The following RBBP7 variants were observed in gnomAD, a reference collection of about 807,000 sequenced individuals.
RBBP7 encodes histone-binding protein RBBP7.
In RBBP7, 5 loss-of-function variants were observed where a neutral mutation model predicts 35.2. The observed-to-expected ratio is 0.14, with a 90% CI of 0.07 to 0.30. RBBP7 has a LOEUF of 0.30. Among genes scored for constraint, RBBP7 ranks in the 10% least tolerant of loss-of-function variants. The probability of loss-of-function intolerance (pLI) is 1.00; values close to 1 mark genes in which losing one functional copy is unlikely to be tolerated. For synonymous variants in RBBP7, 140 were observed against 118.7 expected, an observed-to-expected ratio of 1.18 and a Z score of -1.17; for missense variants, 155 against 327.5, an observed-to-expected ratio of 0.47 and a Z score of 4.07.
chrX:16,868,791 G>A (rs2147532069), intron 2 of RBBP7, among the ~76,000 whole-genome samples: 1 of 111,845 alleles, frequency 8.9e-6, no homozygotes, highest in African/African-American at 3.3e-5. Context: ...ATTAGTTTGG[G>A]CCCAGAAAGA....
At chrX:16,860,952 T>A (rs926738323) in intron 3 of RBBP7, among the ~76,000 whole-genome samples, 17 of 111,498 alleles carry the variant, frequency 1.5e-4, no homozygotes, top group Non-Finnish European at 2.5e-4. Flanking sequence ...GGCAGGCGAA[T>A]CACTTGAGGC....
intron 2 of RBBP7, among the ~76,000 whole-genome samples, chrX:16,866,053 T>G (rs1343896595): frequency 8.9e-6 from 1 of 111,958 alleles, no homozygotes; most frequent in Non-Finnish European, 1.9e-5. Context: ...GGAAAGGAAG[T>G]AGGACAGTAA....
intron 2 of RBBP7, among the ~76,000 whole-genome samples, chrX:16,867,556 A>G (rs1264162999): frequency 8.9e-6 from 1 of 111,894 alleles, no homozygotes; most frequent in African/African-American, 3.2e-5. Context: ...CTGTACATTT[A>G]TATTTAGATT....
At chrX:16,852,323 G>A in intron 8 of RBBP7, 1 of 525,254 alleles carries the variant, frequency 1.9e-6, no homozygotes. Flanking sequence ...GCACTCCCCA[G>A]CACTGAGGAA....
Position 16,845,993 on chromosome X carries a change from C to A in RBBP7, c.1099-55G>T. On this transcript the variant is annotated intron_variant, in intron 10 of 11. Coordinates refer to ENST00000380087, the MANE Select transcript of RBBP7 (RefSeq NM_002893.4). ...TCATATACTCTCCTGTTAATCCTAACAAAGGTTTTACTAAGTTTTTAGAGC... is the reference window on the plus strand; with the variant it reads ...TCATATACTCTCCTGTTAATCCTAAAAAAGGTTTTACTAAGTTTTTAGAGC... 3.4e-6 allele frequency: 4 copies of A among 1,169,339 alleles called. No homozygotes were observed. The East Asian group carries it at 1.2e-4, about 36-fold the overall frequency.
rs201187836 is a variant in RBBP7 at position 16,860,706 on chromosome X, A to AT, written c.308-1858_308-1857insA. On this transcript the variant is annotated intron_variant, in intron 3 of 11. Transcript: ENST00000380087. ...AAAAGAAAAAAAAAAAGAAAAAAAA[A>AT]ATATATATACTGAATATTAACAAAG... Among the ~76,000 whole-genome samples, 1,080 of 109,559 alleles carry AT rather than the reference A, an allele frequency of 9.9e-3. 12 individuals are homozygous for AT. Among genetic ancestry groups the AT allele is most frequent in the African/African-American group, 0.034 (1,028 of 29,883 alleles).
intron 3 of RBBP7, among the ~76,000 whole-genome samples, chrX:16,861,046 C>T (rs1184176143): frequency 4.5e-5 from 5 of 110,807 alleles, no homozygotes; most frequent in East Asian, 2.8e-4. Flanking sequence ...TGGTGGTGGA[C>T]GCCTGTAATC....
intron 2 of RBBP7, among the ~76,000 whole-genome samples, chrX:16,866,298 C>G (rs1047442992): frequency 1.8e-5 from 2 of 109,537 alleles, no homozygotes; most frequent in Non-Finnish European, 3.8e-5. Flanking sequence ...GAGGCCGAGG[C>G]GGGCGGATCA....
At position 16,852,134 on chromosome X, in the gene RBBP7, T is replaced by A. The variant is rs372856992; in HGVS notation, c.964-12A>T. Reference sequence around the variant, plus strand: ...GGAGACCAGTGGACCTAGTAATAGATAATTTTGAAAATGTATTTAAAGAAT... The same window carrying A: ...GGAGACCAGTGGACCTAGTAATAGAAAATTTTGAAAATGTATTTAAAGAAT... On this transcript the variant is annotated splice_polypyrimidine_tract_variant and intron_variant, in intron 8 of 11. Coordinates refer to ENST00000380087, the MANE Select transcript of RBBP7 (RefSeq NM_002893.4). 1 of 1,160,638 alleles carries A rather than the reference T, an allele frequency of 8.6e-7. No individual in the cohort carries two copies. The highest frequency in any genetic ancestry group is 2.2e-5 in the Admixed American group (1 of 45,668).
At chrX:16,869,978 G>A (rs762492000) in intron 1 of RBBP7, 60 bp downstream of exon 1, 3 of 751,004 alleles carry the variant, frequency 4.0e-6, no homozygotes, top group African/African-American at 2.4e-5. Flanking sequence ...GCGTGCCGCG[G>A]CCTCGCGCGC....
chrX:16,869,798 G>A (rs1930730570), intron 1 of RBBP7: 25 of 927,863 alleles, frequency 2.7e-5, no homozygotes, highest in South Asian at 1.7e-4. Context: ...AGCCGCTGGA[G>A]GAGGGAAGGG....
intron 3 of RBBP7, among the ~76,000 whole-genome samples, chrX:16,860,589 G>A (rs1930449149): frequency 9.4e-6 from 1 of 106,612 alleles, no homozygotes; most frequent in Non-Finnish European, 1.9e-5. Flanking sequence ...TCGGGAAATC[G>A]CTTGAACCCA....
intron 4 of RBBP7, among the ~76,000 whole-genome samples, chrX:16,858,458 C>T (rs1193135157): frequency 8.9e-6 from 1 of 112,126 alleles, no homozygotes; most frequent in Non-Finnish European, 1.9e-5. Context: ...TCTTCCTACT[C>T]TTGCTCTGGA....
intron 5 of RBBP7, among the ~76,000 whole-genome samples, chrX:16,857,115 G>A (rs1366540485): frequency 9.0e-6 from 1 of 111,650 alleles, no homozygotes; most frequent in Non-Finnish European, 1.9e-5. Flanking sequence ...ATAAATTAGT[G>A]CTTACCAGGA....
chrX:16,863,189 A>G, intron 2 of RBBP7, 89 bp from the exon 3 acceptor site: 1 of 916,325 alleles, frequency 1.1e-6, no homozygotes, highest in Non-Finnish European at 1.5e-6. Context: ...AAATACATTC[A>G]TATTTCTTTA....
At chrX:16,856,029 AGAC>A (rs1930344042) in intron 5 of RBBP7, among the ~76,000 whole-genome samples, 1 of 106,713 alleles carries the variant, frequency 9.4e-6, no homozygotes, top group South Asian at 4.1e-4. Context: ...AAAAGTGAAA[AGAC>A]AACAGAATGG....
intron 1 of RBBP7, 133 bp downstream of exon 1, chrX:16,869,905 G>T (rs1310159224): frequency 1.3e-6 from 1 of 773,669 alleles, no homozygotes; most frequent in Non-Finnish European, 1.5e-6. Context: ...CTCGAGGCGC[G>T]CGCCCAGTCT....
intron 3 of RBBP7, 106 bp downstream of exon 3, chrX:16,862,849 A>G: frequency 1.1e-6 from 1 of 911,901 alleles, no homozygotes; most frequent in Middle Eastern, 3.2e-4. Flanking sequence ...AAAGTCCTAG[A>G]AGTTAAATTA....
At position 16,870,128 on chromosome X, in the gene RBBP7, G is replaced by T; in HGVS notation, c.-75C>A. Reference sequence around the variant, plus strand: ...AGCCAAGAGCAGCCCGACCGCTGGCGCTCCTGCCTTTCCCAAGCGCGTCAC... The same window carrying T: ...AGCCAAGAGCAGCCCGACCGCTGGCTCTCCTGCCTTTCCCAAGCGCGTCAC... On this transcript the variant is annotated 5_prime_UTR_variant, in exon 1 of 12. Coordinates refer to ENST00000380087, the MANE Select transcript of RBBP7 (RefSeq NM_002893.4). 9.7e-7 allele frequency: 1 copy of T among 1,027,469 alleles called. No homozygotes were observed. The allele number at this position is 1,027,469 out of a possible 1,213,427, so 84.7% of individuals were successfully genotyped here.
Sources: allele counts gnomAD v4.1 joint callset (sites outside exome capture counted in the v4.1 genomes callset), GRCh38; gene constraint gnomAD v4.1.1; transcripts MANE v1.5; gene names NCBI Gene and HGNC (gene_info 2026-07-23, HGNC 2026-07-21).